The following DUSP16 variants were observed in gnomAD, a reference collection of about 807,000 sequenced individuals.
DUSP16 encodes dual specificity phosphatase 16, also known as dual specificity protein phosphatase 16.
A neutral mutation model predicts 58.3 loss-of-function variants in DUSP16; 21 were observed. The ratio of observed to expected loss-of-function variants is 0.36; its 90% CI spans 0.26 to 0.52. DUSP16 has a LOEUF of 0.52. Ranked by LOEUF, DUSP16 falls within the 20% of genes least tolerant of loss-of-function variation. DUSP16 has a pLI of 0.94. For synonymous variants in DUSP16, 320 were observed against 323.8 expected (o/e 0.99, Z 0.12); for missense variants, 726 against 819.0 (o/e 0.89, Z 1.39).
chr12:12,527,590 TA>T (rs779082005), intron 1 of DUSP16, among the ~76,000 whole-genome samples: 1 of 152,162 alleles, frequency 6.6e-6, no homozygotes, highest in African/African-American at 2.4e-5. Flanking sequence ...CCCCAGAACT[TA>T]AAAGTATAAT....
chr12:12,500,898 C>T (rs1274081702), intron 3 of DUSP16, among the ~76,000 whole-genome samples: 1 of 152,128 alleles, frequency 6.6e-6, no homozygotes, highest in Non-Finnish European at 1.5e-5. Flanking sequence ...GTCCTGAAGG[C>T]ACTTATAATG....
In DUSP16 at chr12:12,529,643, T is replaced by A. The variant is rs1944357505; in HGVS notation, c.-365-8180A>T. On this transcript the variant is annotated intron_variant, in intron 1 of 6. Coordinates refer to ENST00000298573, the MANE Select transcript of DUSP16 (RefSeq NM_030640.3). The stretch of plus-strand genomic sequence containing the variant: ...TACAATAGATCCTTGAACGTATTTC[T>A]CCTAAATAATTATTTACTTTCACCA... 3.3e-5 allele frequency among the ~76,000 whole-genome samples: 5 copies of A among 152,186 alleles called. No individual in the cohort carries two copies. In the South Asian group the frequency reaches 1.0e-3, roughly 31 times the overall value.
At chr12:12,515,472 C>T (rs1369905988) in intron 3 of DUSP16, among the ~76,000 whole-genome samples, 1 of 151,912 alleles carries the variant, frequency 6.6e-6, no homozygotes, top group African/African-American at 2.4e-5. Flanking sequence ...GGATTACAGG[C>T]ATGCGCCACC....
chr12:12,554,210 A>AAAAAAAAAGAAAAAG (rs1944775686), intron 1 of DUSP16, among the ~76,000 whole-genome samples: 1 of 151,288 alleles, frequency 6.6e-6, no homozygotes, highest in African/African-American at 2.4e-5. Context: ...AAAAAAAAAA[A>AAAAAAAAAGAAAAAG]AAAAAAAAAG....
chr12:12,516,169 GCTCT>G (rs1271450050), intron 3 of DUSP16, among the ~76,000 whole-genome samples: 1 of 150,132 alleles, frequency 6.7e-6, no homozygotes, highest in Non-Finnish European at 1.5e-5. Context: ...TTAGAGACAG[GCTCT>G]CTGTCACCCA....
At chr12:12,556,449 C>T (rs1396003627) in intron 1 of DUSP16, among the ~76,000 whole-genome samples, 1 of 151,916 alleles carries the variant, frequency 6.6e-6, no homozygotes, top group East Asian at 1.9e-4. Context: ...GCATGCACCA[C>T]CTGTGGTCTC....
chr12:12,507,395 G>A (rs535120380), intron 3 of DUSP16, among the ~76,000 whole-genome samples: 50 of 152,182 alleles, frequency 3.3e-4, no homozygotes, highest in South Asian at 2.1e-4. Flanking sequence ...TGGCAGAGCC[G>A]CCTTCAAGGA....
chr12:12,506,450 C>G (rs548819423), intron 3 of DUSP16, among the ~76,000 whole-genome samples: 2 of 152,246 alleles, frequency 1.3e-5, no homozygotes, highest in African/African-American at 2.4e-5. Context: ...AAAGCAGTAC[C>G]GAAAAACTGA....
intron 4 of DUSP16, among the ~76,000 whole-genome samples, chr12:12,495,236 CAAAAAAA>C (rs10555943): frequency 2.0e-4 from 20 of 98,956 alleles, no homozygotes; most frequent in African/African-American, 7.5e-4. Flanking sequence ...AAAGCCATTA[CAAAAAAA>C]AAAAAAAAAA....
At chr12:12,548,311 T>C (rs2136262642) in intron 1 of DUSP16, among the ~76,000 whole-genome samples, 1 of 152,212 alleles carries the variant, frequency 6.6e-6, no homozygotes, top group South Asian at 2.1e-4. Flanking sequence ...CACAATGAGG[T>C]ATCACGTCAC....
chr12:12,476,791 A>AG lies in DUSP16; in HGVS notation c.*41dup. Reference sequence around the variant, plus strand: ...TTTACAGGGAATTTTTTTGTGAACAAGAAAAAAAAATTGTCTATAGAAGTC... The same window carrying AG: ...TTTACAGGGAATTTTTTTGTGAACAAGGAAAAAAAAATTGTCTATAGAAGTC... On this transcript the variant is annotated 3_prime_UTR_variant, in exon 7 of 7. Coordinates refer to ENST00000298573, the MANE Select transcript of DUSP16 (RefSeq NM_030640.3). The AG allele has an allele frequency of 6.6e-7, 1 of 1,509,600 alleles. No individual in the cohort carries two copies. Among genetic ancestry groups the AG allele is most frequent in the African/African-American group, 1.4e-5 (1 of 71,630 alleles). The allele number at this position is 1,509,600 out of a possible 1,614,324, so 93.5% of individuals were successfully genotyped here. A position where few individuals can be genotyped will look rare whatever the true frequency, so the allele number is the denominator to read the frequency against.
chr12:12,515,087 A>T (rs192355565), intron 3 of DUSP16, among the ~76,000 whole-genome samples: 2,708 of 152,262 alleles, frequency 0.018, 46 homozygotes, highest in Middle Eastern at 0.034. Context: ...AAAAAGAAAA[A>T]ATATATAGTT....
intron 3 of DUSP16, among the ~76,000 whole-genome samples, chr12:12,513,836 T>C (rs1944111242): frequency 6.6e-6 from 1 of 152,222 alleles, no homozygotes; most frequent in Non-Finnish European, 1.5e-5. Context: ...CCAAATTCAA[T>C]AGTTTTCCTT....
intron 1 of DUSP16, among the ~76,000 whole-genome samples, chr12:12,536,418 T>C (rs938978800): frequency 5.9e-5 from 9 of 152,216 alleles, no homozygotes; most frequent in African/African-American, 2.2e-4. Context: ...AATTAGGTCA[T>C]TGTTTATAAA....
intron 3 of DUSP16, among the ~76,000 whole-genome samples, chr12:12,516,224 C>T (rs746211044): frequency 6.6e-6 from 1 of 152,004 alleles, no homozygotes; most frequent in African/African-American, 2.4e-5. Context: ...ACTGTAACCT[C>T]GAACTCCTGG....
intron 3 of DUSP16, among the ~76,000 whole-genome samples, chr12:12,503,881 C>T (rs1943947796): frequency 6.6e-6 from 1 of 152,158 alleles, no homozygotes; most frequent in African/African-American, 2.4e-5. Flanking sequence ...AGAATTCACA[C>T]TTACAAAATG....
chr12:12,489,546 GTTAAA>G (rs765934701), intron 4 of DUSP16, among the ~76,000 whole-genome samples: 1 of 152,098 alleles, frequency 6.6e-6, no homozygotes, highest in Non-Finnish European at 1.5e-5. Flanking sequence ...CTACAGATAT[GTTAAA>G]TTAAAAGTAA....
chr12:12,480,361 T>C lies in DUSP16; in HGVS notation c.692-15A>G, dbSNP rs1257141301. On this transcript the variant is annotated splice_polypyrimidine_tract_variant and intron_variant, in intron 5 of 6. Transcript: ENST00000298573. Reference sequence around the variant, plus strand: ...TTTTGCTTTCTCTGTATAAGTCAAATGCAAGAAAGGTCACTACTAACTATT... The same window carrying C: ...TTTTGCTTTCTCTGTATAAGTCAAACGCAAGAAAGGTCACTACTAACTATT... 1.2e-6 allele frequency: 2 copies of C among 1,610,580 alleles called. No individual in the cohort carries two copies. The highest frequency in any genetic ancestry group is 8.5e-7 in the Non-Finnish European group (1 of 1,178,556).
chr12:12,539,208 A>G (rs897329246), intron 1 of DUSP16, among the ~76,000 whole-genome samples: 4 of 152,188 alleles, frequency 2.6e-5, no homozygotes, highest in African/African-American at 9.7e-5. Flanking sequence ...TGATTAATCT[A>G]TTGCTTACGA....
Sources: gnomAD v4.1 joint callset for allele counts (sites outside exome capture counted in the v4.1 genomes callset) on GRCh38, gnomAD v4.1.1 for gene constraint, MANE v1.5 for transcripts, NCBI Gene and HGNC (gene_info 2026-07-23, HGNC 2026-07-21) for gene names.